C16orf96: variants seen among roughly 807,000 people sequenced by gnomAD.
C16orf96 encodes chromosome 16 open reading frame 96, also known as uncharacterized protein C16orf96.
Under a neutral mutation model 103.6 loss-of-function variants are expected in C16orf96, and 108 were observed. That is an observed-to-expected ratio of 1.04 (90% CI 0.89 to 1.22). C16orf96 has a LOEUF of 1.22. Ranked by LOEUF, C16orf96 falls within the 50% of genes most tolerant of loss-of-function variation. The probability of loss-of-function intolerance (pLI) is 0.00; values close to 1 mark genes in which losing one functional copy is unlikely to be tolerated. For synonymous variants in C16orf96, 566 were observed against 593.5 expected, an observed-to-expected ratio of 0.95 and a Z score of 0.67; for missense variants, 1,586 against 1,464.2, an observed-to-expected ratio of 1.08 and a Z score of -1.36.
intron 5 of C16orf96, among the ~76,000 whole-genome samples, chr16:4,577,813 AG>A (rs2059531410): frequency 1.3e-5 from 2 of 151,874 alleles, no homozygotes; most frequent in Admixed American, 1.3e-4. Flanking sequence ...AAAGTTAGCC[AG>A]GCTTGATAGT....
intron 6 of C16orf96, 67 bp downstream of exon 6, chr16:4,579,092 T>G: frequency 1.7e-5 from 23 of 1,377,192 alleles, no homozygotes; most frequent in Non-Finnish European, 1.3e-5. Context: ...GAAGACTCCT[T>G]GACTCTGCCC....
In C16orf96 at chr16:4,600,166, C is replaced by A. The variant is rs753365104; in HGVS notation, c.3275C>A (p.Pro1092Gln). The stretch of plus-strand genomic sequence containing the variant: ...CCTCACCTGACGATGCCAGCTCGAC[C>A]ACCTTCCCTGCCACCTCTGCTGCTG... ...SGPHLTMPARPPSLPPLLLLP... is the reference protein window; with the variant it reads ...SGPHLTMPARQPSLPPLLLLP... Residue 1092 changes from proline (P) to glutamine (Q), a missense_variant, in exon 16 of 16, where the codon CCA (proline) becomes CAA (glutamine). Pro to Gln is a moderately conservative substitution (Grantham distance 76). Transcript: ENST00000444310. 61 of 1,551,542 alleles carry A rather than the reference C, an allele frequency of 3.9e-5. No homozygotes were observed. The highest frequency in any genetic ancestry group is 1.7e-4 in the Middle Eastern group (1 of 6,014).
At chr16:4,588,105 C>T in intron 8 of C16orf96, 62 bp from the exon 9 acceptor site, 1 of 1,507,088 alleles carries the variant, frequency 6.6e-7, no homozygotes, top group Non-Finnish European at 8.9e-7. Context: ...GGTGTGATGT[C>T]TCCCAGCTTT....
upstream of C16orf96, among the ~76,000 whole-genome samples, chr16:4,555,698 CT>C (rs1166481480): frequency 0.017 from 2,102 of 127,216 alleles, 16 homozygotes; most frequent in African/African-American, 0.045. Flanking sequence ...CTTTTCTTTT[CT>C]TTTTTTTTTT....
chr16:4,573,049 G>C (rs909074657), intron 2 of C16orf96, among the ~76,000 whole-genome samples: 1 of 152,144 alleles, frequency 6.6e-6, no homozygotes, highest in Non-Finnish European at 1.5e-5. Flanking sequence ...CTTTAGGCAT[G>C]GGCTGGATGG....
chr16:4,579,223 T>G, intron 6 of C16orf96, among the ~76,000 whole-genome samples, 198 bp downstream of exon 6: 1 of 151,436 alleles, frequency 6.6e-6, no homozygotes. Context: ...CCAGCAGGTG[T>G]GGGGCTACAC....
the C16orf96 span, among the ~76,000 whole-genome samples, chr16:4,546,192 T>C: frequency 1.3e-5 from 2 of 149,650 alleles, no homozygotes; most frequent in Non-Finnish European, 3.0e-5. Context: ...GGAGTCTGGC[T>C]CTGTCACCCA....
chr16:4,545,476 G>A, the C16orf96 span, among the ~76,000 whole-genome samples: 1 of 152,192 alleles, frequency 6.6e-6, no homozygotes, highest in African/African-American at 2.4e-5. Flanking sequence ...ACAGGCGTGA[G>A]CCGCTGCACC....
intron 8 of C16orf96, among the ~76,000 whole-genome samples, chr16:4,587,762 A>T (rs924432020): frequency 6.6e-6 from 1 of 151,904 alleles, no homozygotes; most frequent in Non-Finnish European, 1.5e-5. Context: ...TAGGAAGATC[A>T]CATCTCTACA....
chr16:4,550,199 C>T, the C16orf96 span, among the ~76,000 whole-genome samples: 1 of 151,866 alleles, frequency 6.6e-6, no homozygotes, highest in African/African-American at 2.4e-5. Flanking sequence ...ATTCTCCTGC[C>T]TCAGCCTCCC....
At chr16:4,578,488 G>C (rs1037715090) in intron 5 of C16orf96, among the ~76,000 whole-genome samples, 2 of 152,022 alleles carry the variant, frequency 1.3e-5, no homozygotes, top group Non-Finnish European at 2.9e-5. Flanking sequence ...GGCCGGGTGC[G>C]GTAGCTCATG....
At chr16:4,583,217 A>T (rs1896835110) in intron 7 of C16orf96, among the ~76,000 whole-genome samples, 2 of 149,696 alleles carry the variant, frequency 1.3e-5, no homozygotes, top group South Asian at 4.2e-4. Flanking sequence ...CAGCCTGGGC[A>T]ACAAGAGCAA....
At chr16:4,578,844 C>A in intron 5 of C16orf96, 96 bp from the exon 6 acceptor site, 1 of 840,832 alleles carries the variant, frequency 1.2e-6, no homozygotes, top group Non-Finnish European at 1.9e-6. Flanking sequence ...CTGGGCAGTG[C>A]TGCCTGAGAT....
chr16:4,574,696 G>C lies in C16orf96; in HGVS notation c.526-13G>C. On this transcript the variant is annotated splice_polypyrimidine_tract_variant and intron_variant, in intron 2 of 15. Transcript: ENST00000444310. ...CCTGGACCCCCAGTCCACAGACTCA[G>C]TTCCTTTGACAGGTACACCCAGAAA... 2 of 1,550,530 alleles carry C rather than the reference G, an allele frequency of 1.3e-6. No individual in the cohort carries two copies. The highest frequency in any genetic ancestry group is 1.7e-6 in the Non-Finnish European group (2 of 1,146,028).
At chr16:4,554,230 A>G (rs2141683169), upstream of C16orf96, among the ~76,000 whole-genome samples, 1 of 152,344 alleles carries the variant, frequency 6.6e-6, no homozygotes, top group African/African-American at 2.4e-5. Context: ...GTTTGAGAGC[A>G]CAGGGGTTGT....
rs60726283 is a variant in C16orf96, at chr16:4,585,312, A to AAAAAAAAAAAAAAAG, written c.2353-1727_2353-1726insAAAAAAAAAAAAAAG. Among the ~76,000 whole-genome samples, 9 of 109,944 alleles carry AAAAAAAAAAAAAAAG rather than the reference A, an allele frequency of 8.2e-5. 3 individuals carry two copies. Among genetic ancestry groups the AAAAAAAAAAAAAAAG allele is most frequent in the African/African-American group, 1.4e-4 (4 of 28,822 alleles). 72.1% of individuals were successfully genotyped at this position (109,944 alleles called of 152,430 possible). On this transcript the variant is annotated intron_variant, in intron 7 of 15. Coordinates refer to ENST00000444310, the MANE Select transcript of C16orf96 (RefSeq NM_001145011.2). ...TCTACAAAAAAAAAAAAAAAAAAAA[A>AAAAAAAAAAAAAAAG]TCCAGGTAGGTGGTGTCACCTGCAG...
chr16:4,556,544 G>A lies in C16orf96; in HGVS notation c.55G>A (p.Gly19Arg), dbSNP rs758694897. The A allele has an allele frequency of 3.0e-5, 46 of 1,550,532 alleles. No homozygotes were observed. Among genetic ancestry groups the A allele is most frequent in the Admixed American group, 1.4e-4 (7 of 50,944 alleles). Reference protein sequence around the residue: ...ELANIAIPQCGVLNFKALHLL... With the variant: ...ELANIAIPQCRVLNFKALHLL... The stretch of plus-strand genomic sequence containing the variant: ...GGCCAACATCGCCATCCCACAGTGC[G>A]GGGTGCTGAACTTCAAGGCCCTGCA... Residue 19 changes from glycine to arginine, a missense_variant, in exon 1 of 16, where the codon GGG (glycine) becomes AGG (arginine). Transcript: ENST00000444310.
intron 3 of C16orf96, 73 bp from the exon 4 acceptor site, chr16:4,574,899 G>A: frequency 3.3e-6 from 5 of 1,527,376 alleles, no homozygotes; most frequent in South Asian, 2.4e-5. Context: ...AGCCTGGAAA[G>A]GTTTCTTTGC....
At chr16:4,552,767 AT>A (rs2059235983), upstream of C16orf96, among the ~76,000 whole-genome samples, 2 of 152,130 alleles carry the variant, frequency 1.3e-5, no homozygotes, top group African/African-American at 4.8e-5. Flanking sequence ...AAGTCTGCTA[AT>A]TTCTGCTCTG....
Sources: gnomAD v4.1 joint callset for allele counts (sites outside exome capture counted in the v4.1 genomes callset) on GRCh38, gnomAD v4.1.1 for gene constraint, MANE v1.5 for transcripts, NCBI Gene and HGNC (gene_info 2026-07-23, HGNC 2026-07-21) for gene names.